Variants in SAXO1 observed in about 807,000 individuals in gnomAD.
The protein encoded by SAXO1 is 4930500O09Rik.
In SAXO1, 21 loss-of-function variants were observed where a neutral mutation model predicts 17.5. The observed-to-expected ratio is 1.20, with a 90% CI of 0.85 to 1.72. The LOEUF (loss-of-function observed/expected upper bound fraction) is 1.72, where lower values mean the gene tolerates loss of function less well. Ranked by LOEUF, SAXO1 falls within the 40% of genes most tolerant of loss-of-function variation. The pLI is 0.00. For synonymous variants in SAXO1, 274 were observed against 216.5 expected (o/e 1.27, Z -2.33); for missense variants, 843 against 596.0 (o/e 1.41, Z -4.32).
In SAXO1 at chr9:18,964,897, C is replaced by T. The variant is rs59334866; in HGVS notation, c.39-13960G>A. On this transcript the variant is annotated intron_variant, in intron 1 of 3. Coordinates refer to ENST00000380534, the MANE Select transcript of SAXO1 (RefSeq NM_153707.4). ...TGCTTTCTCCTGTGTGCATTTGGTG[C>T]TATAAATTTCCCTCTACACACTGCT... Among the ~76,000 whole-genome samples the T allele has an allele frequency of 5.9e-3, 895 of 152,302 alleles. 9 individuals carry two copies. Among genetic ancestry groups the T allele is most frequent in the African/African-American group, 0.02 (846 of 41,558 alleles).
intron 1 of SAXO1, among the ~76,000 whole-genome samples, chr9:18,978,261 C>T (rs535302445): frequency 7.9e-5 from 12 of 152,100 alleles, no homozygotes; most frequent in African/African-American, 2.4e-4. Context: ...CATTTTGAAG[C>T]CATGCATGTG....
chr9:18,949,745 G>C (rs999227469), intron 2 of SAXO1, among the ~76,000 whole-genome samples: 6 of 152,206 alleles, frequency 3.9e-5, no homozygotes, highest in Non-Finnish European at 7.3e-5. Context: ...GAATGGTTCT[G>C]CTTCACCTAG....
At chr9:19,008,558 A>G (rs1286850155) in intron 1 of SAXO1, among the ~76,000 whole-genome samples, 1 of 152,134 alleles carries the variant, frequency 6.6e-6, no homozygotes, top group African/African-American at 2.4e-5. Context: ...ATATTTGAAG[A>G]GTTGAGTGAT....
upstream of SAXO1, among the ~76,000 whole-genome samples, chr9:19,036,593 G>T (rs1835946263): frequency 6.6e-6 from 1 of 152,204 alleles, no homozygotes; most frequent in African/African-American, 2.4e-5. Flanking sequence ...GAGGATGCAA[G>T]CCCCAAGCCT....
chr9:18,931,574 A>T (rs900252526), intron 3 of SAXO1, among the ~76,000 whole-genome samples: 4 of 152,218 alleles, frequency 2.6e-5, no homozygotes, highest in African/African-American at 9.6e-5. Flanking sequence ...TTAGCTTTTT[A>T]AAAAAGATAC....
intron 1 of SAXO1, among the ~76,000 whole-genome samples, chr9:19,028,435 G>C (rs1452171576): frequency 1.3e-5 from 2 of 152,168 alleles, no homozygotes; most frequent in African/African-American, 4.8e-5. Flanking sequence ...GGAAATGCTG[G>C]AGATAATCAG....
At chr9:18,936,583 C>T (rs940307859) in intron 3 of SAXO1, among the ~76,000 whole-genome samples, 1 of 152,166 alleles carries the variant, frequency 6.6e-6, no homozygotes, top group Non-Finnish European at 1.5e-5. Context: ...CCAAGCCTCC[C>T]GACTTCCTCC....
intron 1 of SAXO1, among the ~76,000 whole-genome samples, chr9:19,021,347 C>A (rs142377072): frequency 1.3e-5 from 2 of 152,176 alleles, no homozygotes; most frequent in African/African-American, 4.8e-5. Context: ...CCATAAGGTC[C>A]GAGAAAGACA....
intron 3 of SAXO1, among the ~76,000 whole-genome samples, chr9:18,933,766 G>T (rs1205828486): frequency 6.6e-6 from 1 of 152,160 alleles, no homozygotes; most frequent in Non-Finnish European, 1.5e-5. Flanking sequence ...TCATTTTTGG[G>T]CCGGGCACGG....
At chr9:19,003,893 T>C (rs1279523622) in intron 1 of SAXO1, among the ~76,000 whole-genome samples, 5 of 152,014 alleles carry the variant, frequency 3.3e-5, no homozygotes, top group Admixed American at 6.6e-5. Context: ...AATAGACAAA[T>C]GGGACCTAAT....
chr9:18,972,559 A>C (rs1330060678), intron 1 of SAXO1, among the ~76,000 whole-genome samples: 6 of 152,276 alleles, frequency 3.9e-5, no homozygotes, highest in African/African-American at 1.4e-4. Context: ...GAAGGTCTAC[A>C]AAAAAACTCA....
rs183859544 is a variant in SAXO1 at position 19,032,270 on chromosome 9, C to T, written c.38+601G>A. ...ACAGCAGACCAGTCAGCCCGTGGGA[C>T]TCTGACTAAAGTCCATGATTTCCCC... On this transcript the variant is annotated intron_variant, in intron 1 of 3. Transcript: ENST00000380534. 3.7e-3 allele frequency among the ~76,000 whole-genome samples: 561 copies of T among 152,328 alleles called. 2 individuals are homozygous for T. Among genetic ancestry groups the T allele is most frequent in the Middle Eastern group, 6.8e-3 (2 of 294 alleles).
chr9:18,975,846 G>C (rs949674413), intron 1 of SAXO1, among the ~76,000 whole-genome samples: 4 of 152,016 alleles, frequency 2.6e-5, no homozygotes, highest in Non-Finnish European at 4.4e-5. Flanking sequence ...TGAGCGAAAA[G>C]TGAGACCCAA....
intron 1 of SAXO1, among the ~76,000 whole-genome samples, chr9:19,009,566 G>A (rs1289169046): frequency 6.7e-6 from 1 of 149,426 alleles, no homozygotes. Flanking sequence ...TGAAGTAATA[G>A]AAACAATTTG....
At chr9:18,932,083 T>C (rs182545884) in intron 3 of SAXO1, among the ~76,000 whole-genome samples, 308 of 152,380 alleles carry the variant, frequency 2.0e-3, no homozygotes, top group African/African-American at 7.3e-3. Flanking sequence ...TTTATATCTT[T>C]AATAAATCAT....
chr9:18,988,016 T>G (rs1396045534), intron 1 of SAXO1, among the ~76,000 whole-genome samples: 1 of 152,218 alleles, frequency 6.6e-6, no homozygotes, highest in African/African-American at 2.4e-5. Flanking sequence ...ATGGTTCCCT[T>G]CAAGGGTAAT....
At chr9:18,934,693 C>T (rs182337524) in intron 3 of SAXO1, among the ~76,000 whole-genome samples, 215 of 152,260 alleles carry the variant, frequency 1.4e-3, no homozygotes, top group African/African-American at 4.2e-3. Flanking sequence ...ACTGCTTTTT[C>T]CCCCACCATG....
At chr9:18,938,821 C>CGTGTGT (rs67090530) in intron 3 of SAXO1, among the ~76,000 whole-genome samples, 237 of 78,580 alleles carry the variant, frequency 3.0e-3, no homozygotes, top group African/African-American at 0.01. Flanking sequence ...TGCGTGCGTG[C>CGTGTGT]GTGTGTGTGT....
At chr9:19,029,698 TG>T (rs1835670202) in intron 1 of SAXO1, among the ~76,000 whole-genome samples, 1 of 152,194 alleles carries the variant, frequency 6.6e-6, no homozygotes, top group Non-Finnish European at 1.5e-5. Flanking sequence ...TGTGCCGGTA[TG>T]GGAGTGACTA....
Sources: allele counts gnomAD v4.1 joint callset (sites outside exome capture counted in the v4.1 genomes callset), GRCh38; gene constraint gnomAD v4.1.1; transcripts MANE v1.5; gene names NCBI Gene and HGNC (gene_info 2026-07-23, HGNC 2026-07-21).